Variants in GALNTL6 observed in about 807,000 individuals in gnomAD.
The protein encoded by GALNTL6 is polypeptide N-acetylgalactosaminyltransferase-like 6.
GALNTL6 carries 46 observed loss-of-function variants against 73.7 expected under a neutral mutation model. The observed-to-expected ratio is 0.62, with a 90% CI of 0.49 to 0.80. GALNTL6 has a LOEUF of 0.80. Ranked by LOEUF, GALNTL6 falls within the 30% of genes least tolerant of loss-of-function variation. The pLI is 0.00. For missense variants in GALNTL6, 604 were observed against 755.0 expected (o/e 0.80, Z 2.34); for synonymous variants, 259 against 263.7 (o/e 0.98, Z 0.17).
At chr4:172,702,573 A>AT (rs1331590574) in intron 5 of GALNTL6, among the ~76,000 whole-genome samples, 1 of 151,318 alleles carries the variant, frequency 6.6e-6, no homozygotes, top group African/African-American at 2.4e-5. Flanking sequence ...TGGGAAGGTG[A>AT]TTTTGTCATG....
intron 2 of GALNTL6, among the ~76,000 whole-genome samples, chr4:172,057,933 T>G (rs550701761): frequency 2.0e-5 from 3 of 151,888 alleles, no homozygotes; most frequent in Admixed American, 2.0e-4. Flanking sequence ...TCTTTTCCAT[T>G]TTTCCGCACA....
chr4:172,281,055 G>T lies in GALNTL6; in HGVS notation c.248-30559G>T, dbSNP rs1005790531. On this transcript the variant is annotated intron_variant, in intron 3 of 12. Coordinates refer to ENST00000506823, the MANE Select transcript of GALNTL6 (RefSeq NM_001034845.3). ...GTGGTGGCGAGTGCCTGTAGTCCCT[G>T]CTACTTAGGAGGCTGAGGCAGGAGA... is the stretch of plus-strand genomic sequence containing the variant. Among the ~76,000 whole-genome samples the T allele has an allele frequency of 1.3e-3, 198 of 151,788 alleles. 1 individual carries two copies. The highest frequency in any genetic ancestry group is 3.7e-4 in the Non-Finnish European group (25 of 67,958).
At chr4:172,089,933 T>C (rs1474820716) in intron 2 of GALNTL6, among the ~76,000 whole-genome samples, 1 of 152,210 alleles carries the variant, frequency 6.6e-6, no homozygotes, top group Non-Finnish European at 1.5e-5. Context: ...CTCTCACTTA[T>C]GAACGAGAAC....
intron 2 of GALNTL6, among the ~76,000 whole-genome samples, chr4:171,977,394 A>G (rs1739753426): frequency 6.6e-6 from 1 of 152,148 alleles, no homozygotes; most frequent in Non-Finnish European, 1.5e-5. Flanking sequence ...TAAATAACAG[A>G]ATTTTATTCT....
At chr4:172,800,064 T>G (rs542355183) in intron 5 of GALNTL6, among the ~76,000 whole-genome samples, 3 of 152,140 alleles carry the variant, frequency 2.0e-5, no homozygotes, top group Admixed American at 2.0e-4. Context: ...TCTGGAGTAG[T>G]CAAACTTATA....
chr4:172,761,846 C>T (rs1391345062), intron 5 of GALNTL6, among the ~76,000 whole-genome samples: 2 of 152,170 alleles, frequency 1.3e-5, no homozygotes, highest in African/African-American at 4.8e-5. Flanking sequence ...TCATAAATTA[C>T]CCAGTCTCTG....
chr4:172,977,028 T>C (rs951389112), intron 10 of GALNTL6, among the ~76,000 whole-genome samples: 2 of 152,196 alleles, frequency 1.3e-5, no homozygotes, highest in Non-Finnish European at 2.9e-5. Flanking sequence ...TCTTTATTGA[T>C]TTTGCATGAG....
intron 5 of GALNTL6, among the ~76,000 whole-genome samples, chr4:172,371,080 C>T (rs554207489): frequency 1.1e-4 from 17 of 152,306 alleles, no homozygotes; most frequent in African/African-American, 3.6e-4. Context: ...TCTGTAAGTA[C>T]TTTAAGATTT....
chr4:172,064,329 G>A (rs751950073), intron 2 of GALNTL6, among the ~76,000 whole-genome samples: 1 of 152,140 alleles, frequency 6.6e-6, no homozygotes, highest in African/African-American at 2.4e-5. Context: ...TGCCCATACT[G>A]CTGCATCAAT....
chr4:172,376,557 C>A (rs1273771678), intron 5 of GALNTL6, among the ~76,000 whole-genome samples: 2 of 152,186 alleles, frequency 1.3e-5, no homozygotes, highest in Non-Finnish European at 2.9e-5. Context: ...AGCCTGACAC[C>A]TGTGTCTTCA....
chr4:172,446,619 CAG>C (rs1732029094), intron 5 of GALNTL6, among the ~76,000 whole-genome samples: 1 of 152,088 alleles, frequency 6.6e-6, no homozygotes, highest in Non-Finnish European at 1.5e-5. Flanking sequence ...CTTTATATGA[CAG>C]AGTGTGTAGG....
At chr4:172,869,574 C>T (rs1744821810) in intron 7 of GALNTL6, among the ~76,000 whole-genome samples, 1 of 152,190 alleles carries the variant, frequency 6.6e-6, no homozygotes, top group East Asian at 1.9e-4. Flanking sequence ...CAAGTCTGGG[C>T]TCCTAACCAC....
At chr4:172,759,718 G>T (rs1014422525) in intron 5 of GALNTL6, among the ~76,000 whole-genome samples, 1 of 150,418 alleles carries the variant, frequency 6.6e-6, no homozygotes, top group African/African-American at 2.5e-5. Context: ...CTAGGGAAGT[G>T]ACTTTCTTAG....
intron 5 of GALNTL6, among the ~76,000 whole-genome samples, chr4:172,618,407 T>C (rs1738827459): frequency 6.6e-6 from 1 of 152,182 alleles, no homozygotes; most frequent in Non-Finnish European, 1.5e-5. Context: ...AAAAACATCA[T>C]TATACTCCTC....
intron 4 of GALNTL6, among the ~76,000 whole-genome samples, chr4:172,323,496 A>T (rs577693413): frequency 2.3e-4 from 35 of 152,298 alleles, no homozygotes; most frequent in Middle Eastern, 3.4e-3. Flanking sequence ...TGCCAAGTTG[A>T]CATTTTATTC....
chr4:171,912,081 T>C (rs1022755208), intron 2 of GALNTL6, among the ~76,000 whole-genome samples: 3 of 152,152 alleles, frequency 2.0e-5, no homozygotes, highest in African/African-American at 7.2e-5. Context: ...ATCTTTTTCA[T>C]TAAACTATGA....
intron 5 of GALNTL6, among the ~76,000 whole-genome samples, chr4:172,660,137 G>A (rs547284616): frequency 6.6e-6 from 1 of 152,248 alleles, no homozygotes; most frequent in East Asian, 1.9e-4. Context: ...TGATTAATTG[G>A]CTCAGCCAAG....
intron 9 of GALNTL6, among the ~76,000 whole-genome samples, chr4:172,951,502 T>C (rs953062498): frequency 1.3e-5 from 2 of 152,278 alleles, no homozygotes; most frequent in African/African-American, 4.8e-5. Flanking sequence ...TAATTTCTGA[T>C]TGATATCTGT....
At chr4:172,799,391 G>A (rs1206555005) in intron 5 of GALNTL6, among the ~76,000 whole-genome samples, 1 of 152,174 alleles carries the variant, frequency 6.6e-6, no homozygotes, top group African/African-American at 2.4e-5. Context: ...ACACTTTGAT[G>A]TCTATGCATG....
Sources: gnomAD v4.1 joint callset for allele counts (sites outside exome capture counted in the v4.1 genomes callset) on GRCh38, gnomAD v4.1.1 for gene constraint, MANE v1.5 for transcripts, NCBI Gene and HGNC (gene_info 2026-07-23, HGNC 2026-07-21) for gene names.